HDGF: variants seen among roughly 807,000 people sequenced by gnomAD.
The protein encoded by HDGF is heparin binding growth factor, also known as hepatoma-derived growth factor.
Under a neutral mutation model 30.0 loss-of-function variants are expected in HDGF, and 5 were observed. The ratio of observed to expected loss-of-function variants is 0.17; its 90% CI spans 0.09 to 0.35. HDGF has a LOEUF of 0.35. HDGF is among the 10% of genes least tolerant of loss of function. The pLI is 1.00. For missense variants in HDGF, 214 were observed against 302.8 expected (o/e 0.71, Z 2.18); for synonymous variants, 133 against 112.7 (o/e 1.18, Z -1.14).
upstream of HDGF, among the ~76,000 whole-genome samples, chr1:156,753,872 A>C (rs530827466): frequency 2.4e-4 from 37 of 151,478 alleles, no homozygotes; most frequent in Non-Finnish European, 5.0e-4. Flanking sequence ...ATAAACATGC[A>C]CAGTTTCAGT....
chr1:156,760,854 T>C (rs1464219527), intron 1 of HDGF, among the ~76,000 whole-genome samples: 3 of 152,110 alleles, frequency 2.0e-5, no homozygotes, highest in Non-Finnish European at 4.4e-5. Flanking sequence ...TTTTTTTTTT[T>C]TTCTGTATCT....
At chr1:156,752,520 A>G (rs55701470), upstream of HDGF, 26,260 of 656,094 alleles carry the variant, frequency 0.04, 684 homozygotes, top group Non-Finnish European at 0.053. Context: ...GCCAGGTGCT[A>G]CCTCTTTTCG....
rs533545076 is a variant in HDGF, at chr1:156,766,290, T to C, written n.136+500A>G. Among the ~76,000 whole-genome samples the C allele has an allele frequency of 8.6e-4, 131 of 152,298 alleles. No individual in the cohort carries two copies. The South Asian group carries it at 0.012, about 14-fold the overall frequency. On this transcript the variant is annotated intron_variant and non_coding_transcript_variant, in intron 1 of 7. Transcript: ENST00000465180. ...CTCCTCATCAACCTTTCCAATTTTC[T>C]CTTCAGCCTCCTCCCAAAACCTCAA... is the stretch of plus-strand genomic sequence containing the variant.
In HDGF at chr1:156,751,520, C is replaced by G; in HGVS notation, c.-91G>C. 1 of 1,069,052 alleles carries G rather than the reference C, an allele frequency of 9.4e-7. No homozygotes were observed. The highest frequency in any genetic ancestry group is 1.1e-6 in the Non-Finnish European group (1 of 880,960). The allele number at this position is 1,069,052 out of a possible 1,614,324, so 66.2% of individuals were successfully genotyped here. On this transcript the variant is annotated 5_prime_UTR_variant, in exon 1 of 6. Coordinates refer to ENST00000357325, the MANE Select transcript of HDGF (RefSeq NM_004494.3). This position sits in a 1 kb window ranked among gnomAD's most constrained non-coding sequence, Gnocchi z 4.7. ...CGGCGGTGGCGGCGCCGCTCCGCTC[C>G]GGCCCTCGCGCGGCCCCCGCCTCGA... is the stretch of plus-strand genomic sequence containing the variant.
chr1:156,744,291 C>T lies in HDGF; in HGVS notation c.361G>A (p.Gly121Ser), dbSNP rs758392974. The change falls in exon 4 of 6, where the codon GGT becomes AGT. Residue 121 changes from glycine to serine, a missense_variant. By Grantham distance (56) the Gly-to-Ser change is moderately conservative. Around this residue, in one of 2 missense-constraint regions of HDGF, gnomAD observed 176 missense variants for 211.7 expected, o/e 0.83. Transcript: ENST00000357325. Reference sequence around the variant, plus strand: ...GCATTCCCCTTCTTATCACCGTCACCCTCTGCAGCTTCGGGCTCTGGTTCA... The same window carrying T: ...GCATTCCCCTTCTTATCACCGTCACTCTCTGCAGCTTCGGGCTCTGGTTCA... ...EPEPEPEAAE[G>S]DGDKKGNAEG... 6.2e-7 allele frequency: 1 copy of T among 1,614,196 alleles called. No homozygotes were observed. The highest frequency in any genetic ancestry group is 8.5e-7 in the Non-Finnish European group (1 of 1,180,020).
upstream of HDGF, chr1:156,752,127 G>T: frequency 1.3e-6 from 2 of 1,551,410 alleles, no homozygotes; most frequent in Non-Finnish European, 1.7e-6. Context: ...TATTTACTGG[G>T]CACCCGCGGT....
intron 1 of HDGF, among the ~76,000 whole-genome samples, chr1:156,762,300 C>T (rs1177202510): frequency 6.6e-6 from 1 of 150,918 alleles, no homozygotes; most frequent in Admixed American, 6.6e-5. Context: ...TCCTGTAATC[C>T]GAGCACTTTG....
chr1:156,744,624 C>T, intron 3 of HDGF: 1 of 1,281,802 alleles, frequency 7.8e-7, no homozygotes, highest in Non-Finnish European at 1.0e-6. Context: ...AGCTAGGACC[C>T]TTTCCCCGCC....
intron 4 of HDGF, 66 bp downstream of exon 4, chr1:156,744,097 T>C: frequency 6.5e-7 from 1 of 1,542,816 alleles, no homozygotes; most frequent in Non-Finnish European, 9.0e-7. Context: ...GGCAAAGCCC[T>C]GCTCCTGTGG....
Position 156,743,756 on chromosome 1 carries a change from G to A in HDGF, c.612C>T (p.Pro204=), listed in dbSNP as rs113137442. 4,200 of 1,598,582 alleles carry A rather than the reference G, an allele frequency of 2.6e-3. 134 individuals are homozygous for A. The South Asian group carries it at 0.043, about 16-fold the overall frequency. The part of the protein sequence containing the change: ...EVEKNSTPSE[P]GSGRGPPQEE... ...CTTGGGGAGGCCCCCGGCCAGAGCC[G>A]GGCTCAGAGGGGGTGCTATTCTTTT... Residue 204 remains proline, a synonymous_variant, in exon 5 of 6, where the codon CCC becomes CCT. Coordinates refer to ENST00000357325, the MANE Select transcript of HDGF (RefSeq NM_004494.3).
chr1:156,753,164 G>A (rs1651073851), upstream of HDGF, among the ~76,000 whole-genome samples: 1 of 152,156 alleles, frequency 6.6e-6, no homozygotes, highest in Admixed American at 6.5e-5. Flanking sequence ...TTATGTCCAT[G>A]GCAATATGTT....
chr1:156,764,096 T>TGTTG (rs1651307027), intron 1 of HDGF, among the ~76,000 whole-genome samples: 1 of 151,694 alleles, frequency 6.6e-6, no homozygotes, highest in South Asian at 2.1e-4. Context: ...TTTGTTTGTT[T>TGTTG]GTTTGTTTTT....
intron 1 of HDGF, chr1:156,750,848 C>A (rs1233893777): frequency 1.3e-5 from 2 of 152,256 alleles, no homozygotes; most frequent in African/African-American, 2.4e-5. Flanking sequence ...TAGCCCTCTC[C>A]GGGTTGGGAT....
In HDGF at chr1:156,751,104, C is replaced by T. The variant is rs1466044815; in HGVS notation, c.87+239G>A. ...AGTGACCGGCGCCCTCGGATCCCCACGCCGTGAACACGCCACTACGCGCGG... is the reference window on the plus strand; with the variant it reads ...AGTGACCGGCGCCCTCGGATCCCCATGCCGTGAACACGCCACTACGCGCGG... On this transcript the variant is annotated intron_variant, in intron 1 of 5. Coordinates refer to ENST00000357325, the MANE Select transcript of HDGF (RefSeq NM_004494.3). This position sits in a 1 kb window ranked among gnomAD's most constrained non-coding sequence, Gnocchi z 4.7. Among the ~76,000 whole-genome samples, 1 of 152,134 alleles carries T rather than the reference C, an allele frequency of 6.6e-6. No homozygotes were observed. Among genetic ancestry groups the T allele is most frequent in the Non-Finnish European group, 1.5e-5 (1 of 68,006 alleles).
chr1:156,759,257 T>C (rs991832226), intron 1 of HDGF: 13 of 152,120 alleles, frequency 8.5e-5, no homozygotes, highest in African/African-American at 2.9e-4. Context: ...CAAAAAGTCA[T>C]CTCCATGTTA....
chr1:156,764,589 T>G (rs948503687), intron 1 of HDGF, among the ~76,000 whole-genome samples: 5 of 152,178 alleles, frequency 3.3e-5, no homozygotes, highest in African/African-American at 1.2e-4. Flanking sequence ...TATTATCAAT[T>G]TCTTGCTTGA....
In HDGF at chr1:156,742,842, A is replaced by T. The variant is rs1258686000; in HGVS notation, c.*607T>A. ...ACTCTTGGGGTCGGCAAAAGGAAAAATGGGTGTTGTCAATCATCAAGGATT... is the reference window on the plus strand; with the variant it reads ...ACTCTTGGGGTCGGCAAAAGGAAAATTGGGTGTTGTCAATCATCAAGGATT... On this transcript the variant is annotated 3_prime_UTR_variant, in exon 6 of 6. Coordinates refer to ENST00000357325, the MANE Select transcript of HDGF (RefSeq NM_004494.3). 2 of 154,822 alleles carry T rather than the reference A, an allele frequency of 1.3e-5. No individual in the cohort carries two copies. Among genetic ancestry groups the T allele is most frequent in the East Asian group, 3.9e-4 (2 of 5,192 alleles). 9.6% of individuals were successfully genotyped at this position (154,822 alleles called of 1,614,324 possible). A position where few individuals can be genotyped will look rare whatever the true frequency, so the allele number is the denominator to read the frequency against.
chr1:156,744,078 C>G (rs920155717), intron 4 of HDGF, 85 bp downstream of exon 4: 2 of 1,420,462 alleles, frequency 1.4e-6, no homozygotes, highest in Non-Finnish European at 9.9e-7. Flanking sequence ...TCAGACTGGG[C>G]ACCCCTGAGG....
intron 1 of HDGF, among the ~76,000 whole-genome samples, chr1:156,746,011 T>C (rs1434506980): frequency 2.0e-5 from 3 of 152,236 alleles, no homozygotes; most frequent in Non-Finnish European, 4.4e-5. Context: ...CCCAGTACAC[T>C]GTCTTTTCTG....
Sources: gnomAD v4.1 joint callset for allele counts (sites outside exome capture counted in the v4.1 genomes callset) on GRCh38, gnomAD v4.1.1 for gene constraint, gnomAD v4.1.1 regional missense constraint, Gnocchi (gnomAD v3.1) non-coding constraint, MANE v1.5 for transcripts, NCBI Gene and HGNC (gene_info 2026-07-23, HGNC 2026-07-21) for gene names.